The following SDK1 variants were observed in gnomAD, a reference collection of about 807,000 sequenced individuals.
The protein encoded by SDK1 is sidekick cell adhesion molecule 1, also known as protein sidekick-1.
A neutral mutation model predicts 245.5 loss-of-function variants in SDK1; 157 were observed. The observed-to-expected ratio is 0.64, with a 90% CI of 0.56 to 0.73. SDK1 has a LOEUF of 0.73. Ranked by LOEUF, SDK1 falls within the 30% of genes least tolerant of loss-of-function variation. SDK1 has a pLI of 0.00. For missense variants in SDK1, 3,583 were observed against 3,002.3 expected (o/e 1.19, Z -4.52); for synonymous variants, 1,647 against 1,278.5 (o/e 1.29, Z -6.15).
chr7:4,146,012 G>T, intron 29 of SDK1, 96 bp downstream of exon 29: 1 of 1,102,434 alleles, frequency 9.1e-7, no homozygotes. Context: ...GGGAGGCTTC[G>T]GCCTTCCCTT....
At chr7:4,131,045 C>G (rs1314440797) in intron 27 of SDK1, among the ~76,000 whole-genome samples, 1 of 152,190 alleles carries the variant, frequency 6.6e-6, no homozygotes, top group Non-Finnish European at 1.5e-5. Context: ...TCCATCCTTC[C>G]CTGACACAAG....
At chr7:4,186,096 G>A (rs1782880875) in intron 35 of SDK1, among the ~76,000 whole-genome samples, 1 of 152,230 alleles carries the variant, frequency 6.6e-6, no homozygotes, top group Non-Finnish European at 1.5e-5. Flanking sequence ...AACAGTTAAA[G>A]CTTTAAAACA....
chr7:3,546,231 C>G (rs1205532594), intron 1 of SDK1, among the ~76,000 whole-genome samples: 3 of 152,108 alleles, frequency 2.0e-5, no homozygotes, highest in Non-Finnish European at 4.4e-5. Flanking sequence ...GGTCTGGGAA[C>G]CACACTGTAA....
At chr7:4,230,704 G>A (rs1785706884) in intron 40 of SDK1, among the ~76,000 whole-genome samples, 1 of 152,066 alleles carries the variant, frequency 6.6e-6, no homozygotes, top group Admixed American at 6.6e-5. Context: ...ATGGTTACAT[G>A]GATGGATGGG....
chr7:3,307,770 A>G (rs1340153206), intron 1 of SDK1, among the ~76,000 whole-genome samples: 2 of 152,146 alleles, frequency 1.3e-5, no homozygotes, highest in African/African-American at 2.4e-5. Context: ...TTCTGTAACT[A>G]CTGTGCAATA....
intron 44 of SDK1, among the ~76,000 whole-genome samples, chr7:4,250,220 A>G (rs537827344): frequency 1.3e-5 from 2 of 152,328 alleles, no homozygotes; most frequent in South Asian, 4.2e-4. Flanking sequence ...TTTACGAAGT[A>G]ATCAATTTGT....
At position 4,077,124 on chromosome 7, in the gene SDK1, C is replaced by T. The variant is rs759505426; in HGVS notation, c.3137C>T (p.Ala1046Val). 9.1e-5 allele frequency: 147 copies of T among 1,614,134 alleles called. 1 individual carries two copies. The highest frequency in any genetic ancestry group is 4.2e-4 in the East Asian group (19 of 44,888). The change falls in exon 21 of 45, where the codon GCC becomes GTC. Residue 1046 changes from alanine to valine, a missense_variant. By Grantham distance (64) the Ala-to-Val change is moderately conservative. Transcript: ENST00000404826. ...SSLTTYTIDV[A>V]AVTAVGTGLV... ...CTCACCACCTACACCATCGACGTGG[C>T]CGCTGTGACTGCCGTGGGCACTGGC...
At chr7:3,457,636 A>C (rs1780712159) in intron 1 of SDK1, among the ~76,000 whole-genome samples, 1 of 152,196 alleles carries the variant, frequency 6.6e-6, no homozygotes, top group African/African-American at 2.4e-5. Context: ...TTTCAGCTTA[A>C]TATGGCCAAA....
At chr7:3,618,288 T>C (rs1781830584) in intron 1 of SDK1, among the ~76,000 whole-genome samples, 1 of 152,188 alleles carries the variant, frequency 6.6e-6, no homozygotes, top group Non-Finnish European at 1.5e-5. Context: ...AGCCATCCCA[T>C]TACCTTCACC....
At chr7:3,942,798 A>T (rs906875774) in intron 5 of SDK1, among the ~76,000 whole-genome samples, 2 of 152,202 alleles carry the variant, frequency 1.3e-5, no homozygotes, top group African/African-American at 4.8e-5. Flanking sequence ...AATTTGTGGC[A>T]CTTGTACTAC....
At position 4,268,725 on chromosome 7, in the gene SDK1, C is replaced by T. The variant is rs558177463; in HGVS notation, c.*3341C>T. On this transcript the variant is annotated 3_prime_UTR_variant, in exon 45 of 45. Coordinates refer to ENST00000404826, the MANE Select transcript of SDK1 (RefSeq NM_152744.4). ...AACCCGTCTGCGTACCTAAGTGTGG[C>T]TCCCCGTGGGTCAGCGTCCTGGTAG... 2 of 1,367,876 alleles carry T rather than the reference C, an allele frequency of 1.5e-6. No homozygotes were observed. The highest frequency in any genetic ancestry group is 2.0e-6 in the Non-Finnish European group (2 of 1,021,996). The allele number at this position is 1,367,876 out of a possible 1,614,324, so 84.7% of individuals were successfully genotyped here.
intron 4 of SDK1, among the ~76,000 whole-genome samples, chr7:3,821,076 G>A (rs1044194350): frequency 6.6e-6 from 1 of 152,214 alleles, no homozygotes; most frequent in Admixed American, 6.5e-5. Flanking sequence ...CAGGGTTGTG[G>A]TGGTCCAGCC....
chr7:3,553,844 T>A (rs760498479), intron 1 of SDK1, among the ~76,000 whole-genome samples: 1 of 152,142 alleles, frequency 6.6e-6, no homozygotes, highest in Non-Finnish European at 1.5e-5. Flanking sequence ...CTCCTTCTAC[T>A]GAGGGACACT....
At chr7:4,199,335 G>A (rs1288500986) in intron 35 of SDK1, among the ~76,000 whole-genome samples, 3 of 152,146 alleles carry the variant, frequency 2.0e-5, no homozygotes, top group African/African-American at 7.2e-5. Context: ...CCGCAGAGCC[G>A]GTTGGCTCAA....
chr7:3,659,262 G>C (rs1309397656), intron 4 of SDK1, among the ~76,000 whole-genome samples: 1 of 152,066 alleles, frequency 6.6e-6, no homozygotes, highest in Non-Finnish European at 1.5e-5. Context: ...AATGTCAGCT[G>C]CCCTGGTCGG....
intron 38 of SDK1, among the ~76,000 whole-genome samples, chr7:4,213,805 G>A (rs888167181): frequency 9.9e-5 from 15 of 152,142 alleles, no homozygotes; most frequent in Admixed American, 1.3e-4. Flanking sequence ...CAGTGTTGCC[G>A]TTTCTTGTTC....
intron 44 of SDK1, among the ~76,000 whole-genome samples, chr7:4,264,450 TGGACCTCTCCTGAGTGAGGGAGGCCGC>T (rs1788308860): frequency 2.5e-5 from 3 of 120,946 alleles, no homozygotes; most frequent in Non-Finnish European, 3.4e-5. Flanking sequence ...GAAGGCCGCG[TGGACCTCTCCTGAGTGAGGGAGGCCGC>T]GTGGACCTCT....
chr7:3,781,915 T>C (rs1374545485), intron 4 of SDK1, among the ~76,000 whole-genome samples: 1 of 151,796 alleles, frequency 6.6e-6, no homozygotes, highest in Non-Finnish European at 1.5e-5. Context: ...CCTATGAGAG[T>C]TATGAACACT....
At position 4,030,296 on chromosome 7, in the gene SDK1, A is replaced by G. The variant is rs575665683; in HGVS notation, c.2602+12944A>G. Among the ~76,000 whole-genome samples the G allele has an allele frequency of 6.6e-5, 10 of 152,366 alleles. No individual in the cohort carries two copies. In the East Asian group the frequency reaches 1.2e-3, roughly 18 times the overall value. On this transcript the variant is annotated intron_variant, in intron 17 of 44. Transcript: ENST00000404826. ...GTGACATTCAAATAGTGTGACAGCTATATATGTGTACGAAAACAGCTTACG... is the reference window on the plus strand; with the variant it reads ...GTGACATTCAAATAGTGTGACAGCTGTATATGTGTACGAAAACAGCTTACG...
Sources: gnomAD v4.1 joint callset for allele counts (sites outside exome capture counted in the v4.1 genomes callset) on GRCh38, gnomAD v4.1.1 for gene constraint, MANE v1.5 for transcripts, NCBI Gene and HGNC (gene_info 2026-07-23, HGNC 2026-07-21) for gene names.